NOL9: variants seen among roughly 807,000 people sequenced by gnomAD.
NOL9 encodes the protein polynucleotide 5'-hydroxyl-kinase NOL9.
NOL9 carries 28 observed loss-of-function variants against 67.9 expected under a neutral mutation model. The ratio of observed to expected loss-of-function variants is 0.41; its 90% CI spans 0.31 to 0.57. The LOEUF (loss-of-function observed/expected upper bound fraction) is 0.57, where lower values mean the gene tolerates loss of function less well. Ranked by LOEUF, NOL9 falls within the 20% of genes least tolerant of loss-of-function variation. NOL9 has a pLI of 0.25. For synonymous variants in NOL9, 356 were observed against 352.2 expected (o/e 1.01, Z -0.12); for missense variants, 777 against 897.0 (o/e 0.87, Z 1.71).
In NOL9 at chr1:6,532,534, T is replaced by A. The variant is rs761852082; in HGVS notation, c.1464A>T (p.Pro488=). The A allele has an allele frequency of 6.2e-7, 1 of 1,614,248 alleles. No homozygotes were observed. Among genetic ancestry groups the A allele is most frequent in the East Asian group, 2.2e-5 (1 of 44,890 alleles). ...TCAGTTTATGTCCAGTGAACTCAACTGGACTCTCTTTTTCTTCATCAGCAA... is the reference window on the plus strand; with the variant it reads ...TCAGTTTATGTCCAGTGAACTCAACAGGACTCTCTTTTTCTTCATCAGCAA... ...LEFADEEKES[P]VEFTGHKLIG... is the part of the protein sequence containing the mutation. Residue 488 remains proline (P), a synonymous_variant, in exon 8 of 12, where the codon CCA becomes CCT. Coordinates refer to ENST00000377705, the MANE Select transcript of NOL9 (RefSeq NM_024654.5).
chr1:6,532,187 C>A, intron 8 of NOL9, 108 bp from the exon 9 acceptor site: 1 of 887,808 alleles, frequency 1.1e-6, no homozygotes, highest in Non-Finnish European at 1.8e-6. Context: ...GGCTTTCCAA[C>A]ACTGCCCCCC....
At chr1:6,537,033 T>C (rs1057446678) in intron 6 of NOL9, among the ~76,000 whole-genome samples, 2 of 151,698 alleles carry the variant, frequency 1.3e-5, no homozygotes, top group Admixed American at 1.3e-4. Context: ...AGCACGGTAA[T>C]GGCATAAAAA....
At chr1:6,553,223 C>T (rs916754256) in intron 1 of NOL9, among the ~76,000 whole-genome samples, 2 of 152,212 alleles carry the variant, frequency 1.3e-5, no homozygotes, top group Non-Finnish European at 2.9e-5. Context: ...ACCACTCTGT[C>T]CTTTTAAAGA....
At chr1:6,546,954 T>A (rs1433621906) in intron 3 of NOL9, among the ~76,000 whole-genome samples, 1 of 152,206 alleles carries the variant, frequency 6.6e-6, no homozygotes, top group Non-Finnish European at 1.5e-5. Context: ...CAGCGCTTTC[T>A]CAGGTCTCAC....
At chr1:6,527,576 G>C (rs1408651098) in intron 10 of NOL9, among the ~76,000 whole-genome samples, 2 of 151,968 alleles carry the variant, frequency 1.3e-5, no homozygotes, top group East Asian at 3.9e-4. Context: ...GAACTCGGGA[G>C]GCAGAGGTTG....
At chr1:6,548,090 C>A (rs572560027) in intron 3 of NOL9, 1 of 225,112 alleles carries the variant, frequency 4.4e-6, no homozygotes, top group South Asian at 6.6e-5. Flanking sequence ...TTTGCATTGG[C>A]GTGGCCCAGG....
chr1:6,525,816 T>C lies in NOL9; in HGVS notation c.*38A>G, dbSNP rs1209100553. On this transcript the variant is annotated 3_prime_UTR_variant, in exon 12 of 12. Transcript: ENST00000377705. ...TGGTCAGGCTTGAGACAAAGCTTTC[T>C]GGTAGGAAAGTTTCTTCCCTTATTA... is the stretch of plus-strand genomic sequence containing the variant. 5 of 1,610,598 alleles carry C rather than the reference T, an allele frequency of 3.1e-6. No homozygotes were observed. The highest frequency in any genetic ancestry group is 2.2e-5 in the East Asian group (1 of 44,852).
intron 1 of NOL9, among the ~76,000 whole-genome samples, chr1:6,552,198 G>T (rs1266913415): frequency 6.6e-6 from 1 of 152,142 alleles, no homozygotes; most frequent in Non-Finnish European, 1.5e-5. Flanking sequence ...ATACATAGGT[G>T]ATGTGTTGAT....
intron 1 of NOL9, among the ~76,000 whole-genome samples, chr1:6,552,672 A>G (rs1426231582): frequency 2.7e-5 from 4 of 148,622 alleles, no homozygotes; most frequent in Non-Finnish European, 5.9e-5. Flanking sequence ...GTTTCGCCAT[A>G]TTGGCCAGGC....
At chr1:6,544,549 C>T (rs1157624307) in intron 5 of NOL9, among the ~76,000 whole-genome samples, 1 of 10,166 alleles carries the variant, frequency 9.8e-5, no homozygotes, top group South Asian at 6.7e-3. Flanking sequence ...ACGCACCCCC[C>T]CCCCGCCCCC....
chr1:6,532,593 A>C lies in NOL9; in HGVS notation c.1405T>G (p.Phe469Val). Reference sequence around the variant, plus strand: ...GCATCTGCAAATGCTGCGAGTCTGAAACGTCGATTTCTCATCTTGGTCTTG... The same window carrying C: ...GCATCTGCAAATGCTGCGAGTCTGACACGTCGATTTCTCATCTTGGTCTTG... ...KSKTKMRNRR[F>V]RLAAFADALE... Residue 469 changes from phenylalanine to valine, a missense_variant, in exon 8 of 12, where the codon TTC (phenylalanine) becomes GTC (valine). Phe to Val is a conservative substitution (Grantham distance 50, BLOSUM62 -1). Around this residue, in one of 2 missense-constraint regions of NOL9, gnomAD observed 413 missense variants for 552.6 expected, o/e 0.75. Coordinates refer to ENST00000377705, the MANE Select transcript of NOL9 (RefSeq NM_024654.5). 1 of 1,614,154 alleles carries C rather than the reference A, an allele frequency of 6.2e-7. No homozygotes were observed. The highest frequency in any genetic ancestry group is 8.5e-7 in the Non-Finnish European group (1 of 1,180,030).
intron 10 of NOL9, 105 bp from the exon 11 acceptor site, chr1:6,526,934 C>G (rs72862813): frequency 1.4e-6 from 2 of 1,383,720 alleles, no homozygotes; most frequent in Non-Finnish European, 1.9e-6. Context: ...TTTATATCAA[C>G]TCTGTTTTGT....
intron 2 of NOL9, among the ~76,000 whole-genome samples, chr1:6,550,037 A>AT (rs36059388): frequency 2.9e-4 from 43 of 149,830 alleles, no homozygotes; most frequent in African/African-American, 7.8e-4. Context: ...ATCTAAAATA[A>AT]TTTTTTTTTT....
intron 1 of NOL9, among the ~76,000 whole-genome samples, chr1:6,550,999 A>T (rs1408747958): frequency 6.6e-6 from 1 of 152,172 alleles, no homozygotes; most frequent in Admixed American, 6.5e-5. Flanking sequence ...TAAAATCTTA[A>T]CTTGCTATTC....
intron 4 of NOL9, 30 bp from the exon 5 acceptor site, chr1:6,544,952 A>C: frequency 6.2e-7 from 1 of 1,614,202 alleles, no homozygotes; most frequent in Non-Finnish European, 8.5e-7. Flanking sequence ...TGATCGCTAG[A>C]ATTAGCCGTC....
At chr1:6,546,216 T>C (rs1639419389) in intron 3 of NOL9, among the ~76,000 whole-genome samples, 1 of 152,004 alleles carries the variant, frequency 6.6e-6, no homozygotes, top group African/African-American at 2.4e-5. Flanking sequence ...GCATAAGAAA[T>C]ATGAACAGTG....
intron 9 of NOL9, among the ~76,000 whole-genome samples, chr1:6,531,625 A>G (rs1044566299): frequency 7.2e-5 from 11 of 152,236 alleles, no homozygotes; most frequent in African/African-American, 1.4e-4. Context: ...TACAGCGGAA[A>G]AGTGGAAGTG....
chr1:6,548,291 T>C (rs1639465525), intron 3 of NOL9, among the ~76,000 whole-genome samples: 1 of 151,998 alleles, frequency 6.6e-6, no homozygotes, highest in Non-Finnish European at 1.5e-5. Context: ...GGATTACAGG[T>C]GCATGCCCCA....
Position 6,525,695 on chromosome 1 carries a change from A to T in NOL9, c.*159T>A. ...TAGCTCATGCAGCTTTAAAAGAGAAACTTAAGACTACTATATGACATTCAC... is the reference window on the plus strand; with the variant it reads ...TAGCTCATGCAGCTTTAAAAGAGAATCTTAAGACTACTATATGACATTCAC... On this transcript the variant is annotated 3_prime_UTR_variant, in exon 12 of 12. Transcript: ENST00000377705. The T allele has an allele frequency of 1.3e-6, 1 of 745,558 alleles. No individual in the cohort carries two copies. The highest frequency in any genetic ancestry group is 2.2e-6 in the Non-Finnish European group (1 of 446,280). 46.2% of individuals were successfully genotyped at this position (745,558 alleles called of 1,614,324 possible). A position where few individuals can be genotyped will look rare whatever the true frequency, so the allele number is the denominator to read the frequency against.
Sources: gnomAD v4.1 joint callset for allele counts (sites outside exome capture counted in the v4.1 genomes callset) on GRCh38, gnomAD v4.1.1 for gene constraint, gnomAD v4.1.1 regional missense constraint, MANE v1.5 for transcripts, NCBI Gene and HGNC (gene_info 2026-07-23, HGNC 2026-07-21) for gene names.